Variants in FBXO6 observed in about 807,000 individuals in gnomAD.
FBXO6 encodes F-box only protein 6.
FBXO6 carries 13 observed loss-of-function variants against 25.0 expected under a neutral mutation model. The observed-to-expected ratio is 0.52, with a 90% CI of 0.34 to 0.83. The LOEUF (loss-of-function observed/expected upper bound fraction) is 0.83. Among genes scored for constraint, FBXO6 ranks in the 40% least tolerant of loss-of-function variants. The pLI is 0.02. For missense variants in FBXO6, 370 were observed against 380.2 expected, an observed-to-expected ratio of 0.97 and a Z score of 0.22; for synonymous variants, 138 against 155.3, an observed-to-expected ratio of 0.89 and a Z score of 0.83.
At chr1:11,665,710 G>A (rs1368462418) in intron 1 of FBXO6, among the ~76,000 whole-genome samples, 8 of 151,456 alleles carry the variant, frequency 5.3e-5, no homozygotes, top group Admixed American at 6.6e-5. Flanking sequence ...ACAGGCGTCC[G>A]CCACCACGCC....
chr1:11,666,746 C>G (rs1640451039), intron 1 of FBXO6, among the ~76,000 whole-genome samples: 1 of 152,144 alleles, frequency 6.6e-6, no homozygotes, highest in African/African-American at 2.4e-5. Flanking sequence ...AAGTGTTCCT[C>G]CCTGGGCAGA....
At position 11,673,745 on chromosome 1, in the gene FBXO6, C is replaced by T. The variant is rs372113739; in HGVS notation, c.776C>T (p.Pro259Leu). 80 of 1,614,014 alleles carry T rather than the reference C, an allele frequency of 5.0e-5. 1 individual carries two copies. The Admixed American group carries it at 1.1e-3, about 23-fold the overall frequency. The part of the protein sequence containing the change: ...RVTNSSIVVS[P>L]KMTRNQASSE... Reference sequence around the variant, plus strand: ...ACCAACAGCAGCATTGTCGTCAGCCCCAAGATGACCAGGAACCAGGCCTCC... The same window carrying T: ...ACCAACAGCAGCATTGTCGTCAGCCTCAAGATGACCAGGAACCAGGCCTCC... Residue 259 changes from proline to leucine, a missense_variant, in exon 6 of 6, where the codon CCC becomes CTC. Transcript: ENST00000376753. This position sits in a 1 kb window ranked among gnomAD's most constrained non-coding sequence, Gnocchi z 4.3.
At position 11,673,268 on chromosome 1, in the gene FBXO6, C is replaced by T; in HGVS notation, c.510-9C>T. 5 of 1,610,338 alleles carry T rather than the reference C, an allele frequency of 3.1e-6. No individual in the cohort carries two copies. The highest frequency in any genetic ancestry group is 4.2e-6 in the Non-Finnish European group (5 of 1,178,148). On this transcript the variant is annotated splice_polypyrimidine_tract_variant and intron_variant, in intron 4 of 5. Transcript: ENST00000376753. The surrounding 1 kb of genome is among the most constrained non-coding windows in gnomAD (Gnocchi z 4.3). The stretch of plus-strand genomic sequence containing the variant: ...GGCTTGGACACAGGGCTCTCAACCC[C>T]TCCACCAGGTTTGCTGCCAGAGCCG...
chr1:11,666,379 C>A (rs1323487776), intron 1 of FBXO6, among the ~76,000 whole-genome samples: 1 of 147,752 alleles, frequency 6.8e-6, no homozygotes, highest in African/African-American at 2.5e-5. Context: ...AGCCTTTTTT[C>A]TTTTCTTTTT....
intron 1 of FBXO6, chr1:11,664,695 C>G (rs1224414863): frequency 6.6e-6 from 1 of 152,300 alleles, no homozygotes; most frequent in Non-Finnish European, 1.5e-5. Flanking sequence ...AGATCCGGCG[C>G]TTGCCTTGCC....
chr1:11,668,639 T>A lies in FBXO6; in HGVS notation c.-3-17T>A, dbSNP rs200427755. On this transcript the variant is annotated splice_polypyrimidine_tract_variant and intron_variant, in intron 1 of 5. Coordinates refer to ENST00000376753, the MANE Select transcript of FBXO6 (RefSeq NM_018438.6). Reference sequence around the variant, plus strand: ...CCACCTCCCTGGTCAGGCTCATAACTGCTGTTGCCCCCACAGGCCATGGAT... The same window carrying A: ...CCACCTCCCTGGTCAGGCTCATAACAGCTGTTGCCCCCACAGGCCATGGAT... The A allele has an allele frequency of 1.1e-5, 18 of 1,604,286 alleles. No individual in the cohort carries two copies. The Admixed American group carries it at 1.7e-4, about 15-fold the overall frequency.
intron 1 of FBXO6, among the ~76,000 whole-genome samples, chr1:11,664,984 G>C (rs1451777047): frequency 6.6e-6 from 1 of 152,156 alleles, no homozygotes; most frequent in African/African-American, 2.4e-5. Context: ...CCTCTAGCTT[G>C]GAGCCCAGTG....
In FBXO6 at chr1:11,665,042, C is replaced by CATTGATTT. The variant is rs111677821; in HGVS notation, c.-4+790_-4+791insGATTTATT. On this transcript the variant is annotated intron_variant, in intron 1 of 5. Transcript: ENST00000376753. ...AGACAGTGCCTTTAGAAGCTGCCAGCATTTATTTATTTATTTATTTATGGC... is the reference window on the plus strand; with the variant it reads ...AGACAGTGCCTTTAGAAGCTGCCAGCATTGATTTATTTATTTATTTATTTATTTATGGC... Among the ~76,000 whole-genome samples the CATTGATTT allele has an allele frequency of 5.9e-4, 89 of 150,696 alleles. 1 individual carries two copies. The East Asian group carries it at 0.014, about 23-fold the overall frequency.
intron 1 of FBXO6, among the ~76,000 whole-genome samples, chr1:11,667,781 G>A (rs1186545576): frequency 6.6e-6 from 1 of 152,166 alleles, no homozygotes; most frequent in Non-Finnish European, 1.5e-5. Flanking sequence ...ACATTAATGA[G>A]TCTGGGATGT....
intron 2 of FBXO6, among the ~76,000 whole-genome samples, chr1:11,669,743 C>T (rs1418444014): frequency 2.1e-5 from 3 of 142,002 alleles, no homozygotes; most frequent in Non-Finnish European, 3.0e-5. Flanking sequence ...TACATACACA[C>T]ACACACACAC....
intron 2 of FBXO6, among the ~76,000 whole-genome samples, chr1:11,669,688 GTA>G (rs1239831076): frequency 9.4e-6 from 1 of 106,332 alleles, no homozygotes; most frequent in Non-Finnish European, 1.8e-5. Context: ...ACATATATAC[GTA>G]TATATACATA....
At chr1:11,672,651 A>AC (rs1213744675) in intron 4 of FBXO6, among the ~76,000 whole-genome samples, 1 of 151,808 alleles carries the variant, frequency 6.6e-6, no homozygotes, top group African/African-American at 2.4e-5. Flanking sequence ...CTGGGTGGGA[A>AC]CCCCCAGGTC....
At chr1:11,669,505 T>C (rs1399325392) in intron 2 of FBXO6, among the ~76,000 whole-genome samples, 1 of 126,314 alleles carries the variant, frequency 7.9e-6, no homozygotes, top group Non-Finnish European at 1.7e-5. Flanking sequence ...AATTTCCTTA[T>C]TTTTTTCTGC....
chr1:11,668,675 C>A lies in FBXO6; in HGVS notation c.17C>A (p.Ser6Tyr), dbSNP rs747288004. 4 of 1,612,372 alleles carry A rather than the reference C, an allele frequency of 2.5e-6. No individual in the cohort carries two copies. The highest frequency in any genetic ancestry group is 3.4e-6 in the Non-Finnish European group (4 of 1,178,722). Reference protein sequence around the residue: MDAPHSKAALDSINEL... With the variant: MDAPHYKAALDSINEL... ...CCACAGGCCATGGATGCTCCCCACT[C>A]CAAAGCAGCCCTGGACAGCATTAAC... The change falls in exon 2 of 6, where the codon TCC (serine) becomes TAC (tyrosine). Residue 6 changes from serine to tyrosine, a missense_variant. By Grantham distance (144) the Ser-to-Tyr change is moderately radical. Transcript: ENST00000376753.
chr1:11,670,677 G>A (rs907080882), intron 2 of FBXO6, among the ~76,000 whole-genome samples: 33 of 149,910 alleles, frequency 2.2e-4, no homozygotes, highest in Admixed American at 1.4e-3. Flanking sequence ...GGCTGGTCTT[G>A]AACTCCTGGG....
chr1:11,669,253 C>G (rs60517475), intron 2 of FBXO6, among the ~76,000 whole-genome samples: 13,060 of 152,130 alleles, frequency 0.086, 701 homozygotes, highest in African/African-American at 0.14. Context: ...ATCACCTGAG[C>G]TCAGGAGTTA....
chr1:11,668,717 T>C lies in FBXO6; in HGVS notation c.59T>C (p.Ile20Thr), dbSNP rs756113051. 1 of 1,613,956 alleles carries C rather than the reference T, an allele frequency of 6.2e-7. No homozygotes were observed. The highest frequency in any genetic ancestry group is 8.5e-7 in the Non-Finnish European group (1 of 1,180,018). Reference protein sequence around the residue: ...LDSINELPENILLELFTHVPA... With the variant: ...LDSINELPENTLLELFTHVPA... Reference sequence around the variant, plus strand: ...AGCATTAACGAGCTGCCCGAGAACATCCTGCTGGAGCTGTTCACGCACGTG... The same window carrying C: ...AGCATTAACGAGCTGCCCGAGAACACCCTGCTGGAGCTGTTCACGCACGTG... The change falls in exon 2 of 6, where the codon ATC becomes ACC. Residue 20 changes from isoleucine (I) to threonine (T), a missense_variant. Transcript: ENST00000376753.
At position 11,664,247 on chromosome 1, in the gene FBXO6, G is replaced by A. The variant is rs1213148001; in HGVS notation, c.-12G>A. ...GCCGCAGCGAGGGCCCGGGCCCTGG[G>A]GATCCCAGGTTCGTCTTCCCGCGGC... On this transcript the variant is annotated 5_prime_UTR_variant, in exon 1 of 6. Transcript: ENST00000376753. 1 of 152,234 alleles carries A rather than the reference G, an allele frequency of 6.6e-6. No individual in the cohort carries two copies. Among genetic ancestry groups the A allele is most frequent in the Non-Finnish European group, 1.5e-5 (1 of 68,124 alleles). 9.4% of individuals were successfully genotyped at this position (152,234 alleles called of 1,614,324 possible). A position where few individuals can be genotyped will look rare whatever the true frequency, so the allele number is the denominator to read the frequency against.
chr1:11,670,259 T>C (rs928025544), intron 2 of FBXO6, among the ~76,000 whole-genome samples: 20 of 149,808 alleles, frequency 1.3e-4, no homozygotes, highest in Non-Finnish European at 2.2e-4. Flanking sequence ...GCAGCGCCAG[T>C]AGAGAAGCGC....
Sources: gnomAD v4.1 joint callset for allele counts (sites outside exome capture counted in the v4.1 genomes callset) on GRCh38, gnomAD v4.1.1 for gene constraint, Gnocchi (gnomAD v3.1) non-coding constraint, MANE v1.5 for transcripts, NCBI Gene and HGNC (gene_info 2026-07-23, HGNC 2026-07-21) for gene names.